The following AP3S1 variants were observed in gnomAD, a reference collection of about 807,000 sequenced individuals.
The protein encoded by AP3S1 is adaptor related protein complex 3 subunit sigma 1, also known as AP-3 complex subunit sigma-1.
A neutral mutation model predicts 21.3 loss-of-function variants in AP3S1; 12 were observed. The observed-to-expected ratio is 0.56, with a 90% CI of 0.36 to 0.91. The LOEUF is 0.91. AP3S1 is among the 40% of genes least tolerant of loss of function. The pLI, the probability that AP3S1 is intolerant of heterozygous loss-of-function variation, is 0.01. For synonymous variants in AP3S1, 48 were observed against 78.4 expected (o/e 0.61, Z 2.05); for missense variants, 116 against 225.0 (o/e 0.52, Z 3.10).
intron 1 of AP3S1, among the ~76,000 whole-genome samples, chr5:115,855,666 T>C (rs958480363): frequency 6.6e-6 from 1 of 152,318 alleles, no homozygotes; most frequent in African/African-American, 2.4e-5. Context: ...GTTTCTTTTT[T>C]TGAAATATAA....
At chr5:115,869,365 G>GT (rs1748016142) in intron 2 of AP3S1, among the ~76,000 whole-genome samples, 1 of 152,110 alleles carries the variant, frequency 6.6e-6, no homozygotes, top group African/African-American at 2.4e-5. Context: ...CTTAAGCTGT[G>GT]TAACTTACTG....
At chr5:115,861,165 A>G (rs1316895200) in intron 1 of AP3S1, among the ~76,000 whole-genome samples, 1 of 152,218 alleles carries the variant, frequency 6.6e-6, no homozygotes, top group Non-Finnish European at 1.5e-5. Flanking sequence ...ACTAATTTTA[A>G]TTGAGAGTCA....
chr5:115,894,228 C>T lies in AP3S1; in HGVS notation c.274-859C>T, dbSNP rs568654421. Among the ~76,000 whole-genome samples, 546 of 152,312 alleles carry T rather than the reference C, an allele frequency of 3.6e-3. 4 individuals carry two copies. Among genetic ancestry groups the T allele is most frequent in the African/African-American group, 0.012 (515 of 41,570 alleles). On this transcript the variant is annotated intron_variant, in intron 3 of 5. Transcript: ENST00000316788. The stretch of plus-strand genomic sequence containing the variant: ...ATGCTTAATTTCCCCCAAAATATGT[C>T]ATAATGTGTACAGAGTATTCCCAAC...
chr5:115,906,165 A>G (rs1301075296), intron 5 of AP3S1, among the ~76,000 whole-genome samples: 2 of 152,244 alleles, frequency 1.3e-5, no homozygotes, highest in Non-Finnish European at 1.5e-5. Context: ...CTCAAAAACA[A>G]ACACACAAAA....
chr5:115,871,189 G>A (rs1056621745), intron 3 of AP3S1, among the ~76,000 whole-genome samples: 1 of 152,184 alleles, frequency 6.6e-6, no homozygotes, highest in Non-Finnish European at 1.5e-5. Context: ...ATACAAGCAT[G>A]CTTAAAAAGA....
At chr5:115,911,539 A>C (rs1036002072) in intron 5 of AP3S1, among the ~76,000 whole-genome samples, 4 of 152,074 alleles carry the variant, frequency 2.6e-5, no homozygotes, top group African/African-American at 9.7e-5. Flanking sequence ...CTATCTAAAA[A>C]ATGATACTAC....
intron 5 of AP3S1, among the ~76,000 whole-genome samples, chr5:115,905,537 C>CTAAT (rs1751574760): frequency 1.3e-5 from 2 of 152,132 alleles, no homozygotes; most frequent in South Asian, 4.1e-4. Context: ...GTAACGTCTG[C>CTAAT]TAATATTTTA....
intron 3 of AP3S1, among the ~76,000 whole-genome samples, chr5:115,889,305 GA>G (rs1162278592): frequency 6.6e-6 from 1 of 151,740 alleles, no homozygotes; most frequent in Non-Finnish European, 1.5e-5. Flanking sequence ...AATTAAGAAA[GA>G]AAAAATAAAG....
At chr5:115,850,525 C>A (rs754177660) in intron 1 of AP3S1, among the ~76,000 whole-genome samples, 13 of 152,132 alleles carry the variant, frequency 8.5e-5, no homozygotes, top group Non-Finnish European at 1.3e-4. Context: ...CCTATTCTCC[C>A]CTTCTCCTAG....
intron 3 of AP3S1, among the ~76,000 whole-genome samples, chr5:115,875,304 G>A (rs1286867443): frequency 1.3e-5 from 2 of 152,128 alleles, no homozygotes; most frequent in Non-Finnish European, 2.9e-5. Context: ...CTTAAGTGAG[G>A]AAAGGTCTCT....
intron 3 of AP3S1, among the ~76,000 whole-genome samples, chr5:115,878,343 T>C (rs1163406258): frequency 6.6e-6 from 1 of 152,252 alleles, no homozygotes; most frequent in Admixed American, 6.5e-5. Flanking sequence ...GGTCTTACGT[T>C]TAACTCTTTA....
At chr5:115,851,415 A>G (rs1159276345) in intron 1 of AP3S1, among the ~76,000 whole-genome samples, 1 of 152,204 alleles carries the variant, frequency 6.6e-6, no homozygotes, top group Admixed American at 6.5e-5. Context: ...ATCATTTTCC[A>G]CAGTGGCTGT....
At chr5:115,888,342 C>T (rs1279250680) in intron 3 of AP3S1, among the ~76,000 whole-genome samples, 1 of 151,626 alleles carries the variant, frequency 6.6e-6, no homozygotes, top group Non-Finnish European at 1.5e-5. Context: ...AATTTTTCCC[C>T]CTTAATTTCT....
chr5:115,872,888 C>A lies in AP3S1; in HGVS notation c.273+2760C>A, dbSNP rs202220390. On this transcript the variant is annotated intron_variant, in intron 3 of 5. Transcript: ENST00000316788. ...TTACAGAAAAAAAATTAATATAGAA[C>A]CATGCTTTCTATTTCTCTGTTTCCC... 4.4e-3 allele frequency among the ~76,000 whole-genome samples: 675 copies of A among 152,146 alleles called. 7 individuals carry two copies. The highest frequency in any genetic ancestry group is 0.016 in the African/African-American group (653 of 41,496).
At chr5:115,893,459 C>T (rs893741497) in intron 3 of AP3S1, among the ~76,000 whole-genome samples, 1 of 152,146 alleles carries the variant, frequency 6.6e-6, no homozygotes, top group Non-Finnish European at 1.5e-5. Context: ...TCAACTATGT[C>T]ATTGGTAAGG....
intron 3 of AP3S1, among the ~76,000 whole-genome samples, chr5:115,888,562 T>G (rs565729933): frequency 6.6e-6 from 1 of 152,278 alleles, no homozygotes; most frequent in African/African-American, 2.4e-5. Flanking sequence ...AAGAATTTTT[T>G]TCATAAATTA....
rs188690203 is a variant in AP3S1 at position 115,896,719 on chromosome 5, G to A, written c.345+1561G>A. ...ACCTGTGCCTGGGGAGGTTGAGGCTGTAGTGAGCCATGATTGTGCCACTGA... is the reference window on the plus strand; with the variant it reads ...ACCTGTGCCTGGGGAGGTTGAGGCTATAGTGAGCCATGATTGTGCCACTGA... On this transcript the variant is annotated intron_variant, in intron 4 of 5. Transcript: ENST00000316788. 2.5e-3 allele frequency among the ~76,000 whole-genome samples: 384 copies of A among 152,306 alleles called. 3 individuals carry two copies. The highest frequency in any genetic ancestry group is 8.7e-3 in the African/African-American group (362 of 41,546).
chr5:115,905,086 C>T (rs576226376), intron 5 of AP3S1, among the ~76,000 whole-genome samples: 2 of 152,196 alleles, frequency 1.3e-5, no homozygotes, highest in South Asian at 4.1e-4. Context: ...TATCCTACTG[C>T]TCAAGGTCAT....
In AP3S1 at chr5:115,870,065, G is replaced by A. The variant is rs766399528; in HGVS notation, c.210G>A (p.Thr70=). The part of the protein sequence containing the change: ...DNKLIYRHYA[T]LYFVFCVDSS... ...AACTGATTTATAGACATTATGCAAC[G>A]TTATATTTTGTCTTCTGTGTGGATT... The change falls in exon 3 of 6, where the codon ACG becomes ACA. Residue 70 remains threonine (T), a synonymous_variant. Transcript: ENST00000316788. The A allele has an allele frequency of 1.2e-6, 2 of 1,608,586 alleles. No homozygotes were observed. The highest frequency in any genetic ancestry group is 1.7e-6 in the Non-Finnish European group (2 of 1,178,566).
Sources: gnomAD v4.1 joint callset for allele counts (sites outside exome capture counted in the v4.1 genomes callset) on GRCh38, gnomAD v4.1.1 for gene constraint, MANE v1.5 for transcripts, NCBI Gene and HGNC (gene_info 2026-07-23, HGNC 2026-07-21) for gene names.